Variants in SLC24A2 observed in about 807,000 individuals in gnomAD.
The protein encoded by SLC24A2 is sodium/potassium/calcium exchanger 2.
Under a neutral mutation model 62.0 loss-of-function variants are expected in SLC24A2, and 36 were observed. That is an observed-to-expected ratio of 0.58 (90% confidence interval 0.44 to 0.77). SLC24A2 has a LOEUF of 0.77. Ranked by LOEUF, SLC24A2 falls within the 30% of genes least tolerant of loss-of-function variation. The pLI, the probability that SLC24A2 is intolerant of heterozygous loss-of-function variation, is 0.00. For missense variants in SLC24A2, 846 were observed against 817.9 expected, an observed-to-expected ratio of 1.03 and a Z score of -0.42; for synonymous variants, 358 against 294.0, an observed-to-expected ratio of 1.22 and a Z score of -2.23.
At chr9:19,934,758 T>A in the SLC24A2 span, among the ~76,000 whole-genome samples, 2 of 152,188 alleles carry the variant, frequency 1.3e-5, no homozygotes, top group Admixed American at 6.5e-5. This position sits in a 1 kb window ranked among gnomAD's most constrained non-coding sequence, Gnocchi z 4.1. Context: ...CTTTCTCTTT[T>A]GCTGGTCGCC....
intron 2 of SLC24A2, among the ~76,000 whole-genome samples, chr9:19,776,441 C>T (rs544445765): frequency 1.3e-5 from 2 of 152,170 alleles, no homozygotes; most frequent in Non-Finnish European, 2.9e-5. Flanking sequence ...TTAAGCACTG[C>T]CTACTTTTCA....
the SLC24A2 span, among the ~76,000 whole-genome samples, chr9:20,087,832 G>A: frequency 6.6e-6 from 1 of 151,700 alleles, no homozygotes; most frequent in African/African-American, 2.4e-5. Flanking sequence ...CCAACCCACA[G>A]AGAATGGAGA....
At chr9:20,047,449 G>A in the SLC24A2 span, among the ~76,000 whole-genome samples, 1 of 151,386 alleles carries the variant, frequency 6.6e-6, no homozygotes, top group African/African-American at 2.4e-5. Flanking sequence ...GGGATGAAAA[G>A]CAGTATCTTA....
chr9:20,045,589 G>A, the SLC24A2 span, among the ~76,000 whole-genome samples: 8 of 151,930 alleles, frequency 5.3e-5, no homozygotes, highest in Non-Finnish European at 8.8e-5. Context: ...CCGCTACCAC[G>A]CCAGGCTAAT....
At chr9:19,785,491 AC>A (rs1035801983) in intron 2 of SLC24A2, among the ~76,000 whole-genome samples, 1 of 152,200 alleles carries the variant, frequency 6.6e-6, no homozygotes, top group Non-Finnish European at 1.5e-5. Flanking sequence ...GGTGACACAA[AC>A]TTTCTTCCTC....
At chr9:19,721,885 A>C (rs1587217887) in intron 2 of SLC24A2, among the ~76,000 whole-genome samples, 1 of 152,292 alleles carries the variant, frequency 6.6e-6, no homozygotes, top group African/African-American at 2.4e-5. Context: ...CTGAAAAGTC[A>C]CTAAATTAGT....
At chr9:19,705,964 C>A (rs929453593) in intron 2 of SLC24A2, among the ~76,000 whole-genome samples, 4 of 151,886 alleles carry the variant, frequency 2.6e-5, no homozygotes, top group African/African-American at 9.7e-5. Flanking sequence ...TGGTGCAGAG[C>A]TGAGTTCAAT....
At chr9:19,637,602 A>G (rs1055847734) in intron 2 of SLC24A2, among the ~76,000 whole-genome samples, 2 of 152,360 alleles carry the variant, frequency 1.3e-5, no homozygotes, top group South Asian at 4.1e-4. Context: ...ACCAAAGGAA[A>G]TAAAGGCATG....
the SLC24A2 span, among the ~76,000 whole-genome samples, chr9:19,966,836 G>A: frequency 6.6e-6 from 1 of 152,132 alleles, no homozygotes; most frequent in South Asian, 2.1e-4. Context: ...TTCCTCTCAA[G>A]CAATTGAATT....
chr9:19,534,556 G>C (rs899593893), intron 8 of SLC24A2, among the ~76,000 whole-genome samples: 13 of 151,740 alleles, frequency 8.6e-5, no homozygotes, highest in African/African-American at 3.1e-4. Context: ...CCCTCCCCGG[G>C]TCCATGTTAT....
the SLC24A2 span, among the ~76,000 whole-genome samples, chr9:19,907,523 G>A: frequency 2.6e-5 from 4 of 152,330 alleles, no homozygotes; most frequent in South Asian, 8.3e-4. Flanking sequence ...AGTAGGAAAA[G>A]AGGAAGTCAA....
At chr9:20,136,019 T>C in the SLC24A2 span, among the ~76,000 whole-genome samples, 6 of 152,110 alleles carry the variant, frequency 3.9e-5, no homozygotes, top group Admixed American at 6.6e-5. Context: ...GGCTGGGCAT[T>C]GGGAGTGAAA....
intron 2 of SLC24A2, among the ~76,000 whole-genome samples, chr9:19,762,052 G>A (rs1263144955): frequency 2.6e-5 from 4 of 152,186 alleles, no homozygotes; most frequent in Middle Eastern, 3.4e-3. Flanking sequence ...CTGAGGAATC[G>A]ACACACTGAC....
intron 4 of SLC24A2, among the ~76,000 whole-genome samples, chr9:19,612,974 G>A (rs184898766): frequency 6.6e-6 from 1 of 152,348 alleles, no homozygotes; most frequent in African/African-American, 2.4e-5. Flanking sequence ...AATGTCGGTA[G>A]AGATATAACA....
chr9:20,242,789 C>T, the SLC24A2 span, among the ~76,000 whole-genome samples: 1 of 152,172 alleles, frequency 6.6e-6, no homozygotes, highest in Non-Finnish European at 1.5e-5. Context: ...TTGTCATTTG[C>T]TAAAACCTTA....
At chr9:20,056,385 G>C in the SLC24A2 span, among the ~76,000 whole-genome samples, 1 of 152,136 alleles carries the variant, frequency 6.6e-6, no homozygotes, top group African/African-American at 2.4e-5. Flanking sequence ...GTTAGACAAG[G>C]ATGTGGGATG....
chr9:20,279,105 GA>G, the SLC24A2 span, among the ~76,000 whole-genome samples: 4,877 of 151,940 alleles, frequency 0.032, 101 homozygotes, highest in African/African-American at 0.042. Flanking sequence ...AGAACAACAT[GA>G]AAAAAAACCT....
At chr9:20,025,208 A>T in the SLC24A2 span, among the ~76,000 whole-genome samples, 1 of 152,170 alleles carries the variant, frequency 6.6e-6, no homozygotes, top group Admixed American at 6.5e-5. Flanking sequence ...TCACTAATGA[A>T]TTGTGTCCTG....
chr9:20,228,778 G>A, the SLC24A2 span, among the ~76,000 whole-genome samples: 2 of 152,134 alleles, frequency 1.3e-5, no homozygotes, highest in African/African-American at 4.8e-5. Flanking sequence ...AAAGTATGTG[G>A]AAAAGGAAGG....
Sources: gnomAD v4.1 joint callset for allele counts (sites outside exome capture counted in the v4.1 genomes callset) on GRCh38, gnomAD v4.1.1 for gene constraint, Gnocchi (gnomAD v3.1) non-coding constraint, MANE v1.5 for transcripts, NCBI Gene and HGNC (gene_info 2026-07-23, HGNC 2026-07-21) for gene names.